The following EHBP1L1 variants were observed in gnomAD, a reference collection of about 807,000 sequenced individuals.
EHBP1L1 encodes EH domain binding protein 1 like 1.
In EHBP1L1, 122 loss-of-function variants were observed where a neutral mutation model predicts 151.1. The observed-to-expected ratio is 0.81, with a 90% CI of 0.70 to 0.94. EHBP1L1 has a LOEUF of 0.94. EHBP1L1 is among the 40% of genes least tolerant of loss of function. The pLI, the probability that EHBP1L1 is intolerant of heterozygous loss-of-function variation, is 0.00. For synonymous variants in EHBP1L1, 878 were observed against 810.1 expected (o/e 1.08, Z -1.42); for missense variants, 1,941 against 1,959.8 (o/e 0.99, Z 0.18).
intron 1 of EHBP1L1, among the ~76,000 whole-genome samples, chr11:65,576,850 C>T (rs961115214): frequency 1.8e-4 from 28 of 152,048 alleles, no homozygotes; most frequent in Non-Finnish European, 3.8e-4. Context: ...CCTCCCCTGC[C>T]ATCTTGTTGA....
At position 65,580,264 on chromosome 11, in the gene EHBP1L1, G is replaced by GTGCC; in HGVS notation, c.491+7_491+10dup. On this transcript the variant is annotated splice_donor_region_variant and intron_variant, in intron 5 of 18. Transcript: ENST00000309295. ...GCTGCGGGAGGGCCGTGCCACGTGA[G>GTGCC]TGCCTACCTGCCCTCCTTGATCCTG... is the stretch of plus-strand genomic sequence containing the variant. 1 of 1,613,374 alleles carries GTGCC rather than the reference G, an allele frequency of 6.2e-7. No individual in the cohort carries two copies. The highest frequency in any genetic ancestry group is 8.5e-7 in the Non-Finnish European group (1 of 1,179,588).
Position 65,583,356 on chromosome 11 carries a change from G to A in EHBP1L1, c.2684G>A (p.Ser895Asn), listed in dbSNP as rs375559794. 3.8e-5 allele frequency: 61 copies of A among 1,613,420 alleles called. No individual in the cohort carries two copies. Among genetic ancestry groups the A allele is most frequent in the Non-Finnish European group, 5.2e-5 (61 of 1,179,726 alleles). The change falls in exon 9 of 19, where the codon AGT becomes AAT. Residue 895 changes from serine (S) to asparagine (N), a missense_variant. Physicochemically the swap from Ser to Asn is conservative, Grantham distance 46. Coordinates refer to ENST00000309295, the MANE Select transcript of EHBP1L1 (RefSeq NM_001099409.3). ...CAGGAAGCAGAGACTAGAGTTGGGAGTGCTCTCAAATATGAGGCTTTAAGG... is the reference window on the plus strand; with the variant it reads ...CAGGAAGCAGAGACTAGAGTTGGGAATGCTCTCAAATATGAGGCTTTAAGG... Reference protein sequence around the residue: ...GVQEAETRVGSALKYEALRAP... With the variant: ...GVQEAETRVGNALKYEALRAP...
At position 65,582,162 on chromosome 11, in the gene EHBP1L1, G is replaced by A. The variant is rs1857647652; in HGVS notation, c.1490G>A (p.Gly497Glu). The change falls in exon 9 of 19, where the codon GGG (glycine) becomes GAG (glutamate). Residue 497 changes from glycine (G) to glutamate (E), a missense_variant. Physicochemically the swap from Gly to Glu is moderately conservative, Grantham distance 98. Coordinates refer to ENST00000309295, the MANE Select transcript of EHBP1L1 (RefSeq NM_001099409.3). The part of the protein sequence containing the change: ...GHSGQLGDLE[G>E]ARAAAGQERE... ...TCTGGGCAACTTGGTGACCTCGAGG[G>A]GGCCAGGGCTGCTGCAGGCCAGGAG... is the stretch of plus-strand genomic sequence containing the variant. 1 of 1,578,160 alleles carries A rather than the reference G, an allele frequency of 6.3e-7. No homozygotes were observed. The highest frequency in any genetic ancestry group is 1.4e-5 in the African/African-American group (1 of 73,476).
At chr11:65,579,025 G>T (rs796919133) in intron 1 of EHBP1L1, 53 bp from the exon 2 acceptor site, 2 of 1,524,824 alleles carry the variant, frequency 1.3e-6, no homozygotes, top group East Asian at 2.4e-5. Flanking sequence ...GGAGGCAGGT[G>T]AGCCTGACCA....
chr11:65,589,944 TC>T lies in EHBP1L1; in HGVS notation c.4017del (p.Ser1340ArgfsTer38), dbSNP rs758282432. ...ADSQQPPGGSSPSEEPPPSPG... is the reference protein window; with the variant it reads ...ADSQQPPGGSXPSEEPPPSPG... ...ATCATCTCTGTCTGCAGGTGGGAGT[TC>T]CCCCTCGGAGGAACCACCCCCAAGC... On this transcript the variant is annotated frameshift_variant, in exon 14 of 19. Transcript: ENST00000309295. LOFTEE classifies it high-confidence loss of function. 8.3e-6 allele frequency: 13 copies of T among 1,565,240 alleles called. No homozygotes were observed. The highest frequency in any genetic ancestry group is 1.1e-5 in the Non-Finnish European group (13 of 1,151,990).
chr11:65,587,966 T>G (rs1239093036), intron 12 of EHBP1L1, among the ~76,000 whole-genome samples: 1 of 152,246 alleles, frequency 6.6e-6, no homozygotes, highest in Non-Finnish European at 1.5e-5. Flanking sequence ...AGATATTAGC[T>G]GCTGTTATTA....
Position 65,592,246 on chromosome 11 carries a change from C to A in EHBP1L1, c.4516C>A (p.Arg1506=). The part of the protein sequence containing the change: ...DERLERGLEQ[R]RRKLSRQLSR... The stretch of plus-strand genomic sequence containing the variant: ...GCGCCTGGAGCGCGGCCTGGAACAG[C>A]GGCGCCGCAAGCTGAGCCGGCAGTT... The change falls in exon 19 of 19, where the codon CGG becomes AGG. Residue 1506 remains arginine, a synonymous_variant. Transcript: ENST00000309295. 1 of 1,535,082 alleles carries A rather than the reference C, an allele frequency of 6.5e-7. No individual in the cohort carries two copies. The highest frequency in any genetic ancestry group is 2.4e-5 in the East Asian group (1 of 40,848).
At position 65,581,684 on chromosome 11, in the gene EHBP1L1, G is replaced by T; in HGVS notation, c.1012G>T (p.Ala338Ser). Reference protein sequence around the residue: ...SGAPPAGLGSARETQAQACPQ... With the variant: ...SGAPPAGLGSSRETQAQACPQ... ...GGCTCCTCCAGCAGGATTGGGCTCT[G>T]CTAGGGAGACCCAGGCCCAGGCATG... is the stretch of plus-strand genomic sequence containing the variant. The change falls in exon 9 of 19, where the codon GCT (alanine) becomes TCT (serine). Residue 338 changes from alanine (A) to serine (S), a missense_variant. Coordinates refer to ENST00000309295, the MANE Select transcript of EHBP1L1 (RefSeq NM_001099409.3). 4 of 1,573,842 alleles carry T rather than the reference G, an allele frequency of 2.5e-6. No individual in the cohort carries two copies. Among genetic ancestry groups the T allele is most frequent in the Non-Finnish European group, 3.4e-6 (4 of 1,160,106 alleles).
rs1282083783 is a variant in EHBP1L1, at chr11:65,582,102, G to C, written c.1430G>C (p.Gly477Ala). Reference sequence around the variant, plus strand: ...AGGACCAGGGATGAGGCTCCCTCAGGCCTGAGCCTGCCCCCAGCGGAGCCT... The same window carrying C: ...AGGACCAGGGATGAGGCTCCCTCAGCCCTGAGCCTGCCCCCAGCGGAGCCT... ...GVRTRDEAPS[G>A]LSLPPAEPAG... is the part of the protein sequence containing the mutation. The change falls in exon 9 of 19, where the codon GGC becomes GCC. Residue 477 changes from glycine (G) to alanine (A), a missense_variant. Transcript: ENST00000309295. 3.1e-6 allele frequency: 5 copies of C among 1,604,958 alleles called. No individual in the cohort carries two copies. Among genetic ancestry groups the C allele is most frequent in the Non-Finnish European group, 4.3e-6 (5 of 1,175,600 alleles).
chr11:65,587,429 C>T (rs1000694424), intron 12 of EHBP1L1, among the ~76,000 whole-genome samples: 17 of 152,090 alleles, frequency 1.1e-4, no homozygotes, highest in African/African-American at 4.1e-4. Flanking sequence ...GGAATTCCCA[C>T]GAGGCCTGGC....
At chr11:65,578,737 A>G (rs1032456890) in intron 1 of EHBP1L1, among the ~76,000 whole-genome samples, 1 of 152,204 alleles carries the variant, frequency 6.6e-6, no homozygotes, top group African/African-American at 2.4e-5. Flanking sequence ...TCACATGTGC[A>G]TCTGTGTCTG....
rs1857583903 is a variant in EHBP1L1 at position 65,581,123 on chromosome 11, G to A, written c.700G>A (p.Ala234Thr). The A allele has an allele frequency of 2.5e-6, 4 of 1,613,020 alleles. No homozygotes were observed. Among genetic ancestry groups the A allele is most frequent in the East Asian group, 2.2e-5 (1 of 44,876 alleles). Residue 234 changes from alanine to threonine, a missense_variant, in exon 7 of 19, where the codon GCA (alanine) becomes ACA (threonine). Transcript: ENST00000309295. Reference sequence around the variant, plus strand: ...GGAAGGCCAAGGACGACCCCAGCAGGCAGGTGAGACCCAGGCTGGGGTTGG... The same window carrying A: ...GGAAGGCCAAGGACGACCCCAGCAGACAGGTGAGACCCAGGCTGGGGTTGG... ...EEEGQGRPQQ[A>T]VASPSNAEDT...
intron 3 of EHBP1L1, 136 bp downstream of exon 3, chr11:65,579,572 T>G: frequency 1.4e-6 from 1 of 707,346 alleles, no homozygotes. Flanking sequence ...TAGGGGGGCC[T>G]GCTCAGCATC....
chr11:65,590,416 C>T, intron 15 of EHBP1L1, 77 bp from the exon 16 acceptor site: 2 of 1,551,428 alleles, frequency 1.3e-6, no homozygotes, highest in Admixed American at 1.8e-5. Context: ...GGAGCAAACC[C>T]CCTCCCCCAA....
intron 2 of EHBP1L1, 61 bp downstream of exon 2, chr11:65,579,196 G>A: frequency 6.5e-7 from 1 of 1,542,268 alleles, no homozygotes; most frequent in Non-Finnish European, 8.8e-7. Context: ...GAGGCTGATG[G>A]GGGCTGATGG....
chr11:65,591,735 T>C, intron 16 of EHBP1L1, 65 bp from the exon 17 acceptor site: 1 of 1,339,772 alleles, frequency 7.5e-7, no homozygotes, highest in Non-Finnish European at 1.0e-6. Context: ...CCCTGGGCAC[T>C]CTCTCCCTAC....
intron 16 of EHBP1L1, among the ~76,000 whole-genome samples, chr11:65,590,876 C>A (rs1239171710): frequency 6.6e-6 from 1 of 151,604 alleles, no homozygotes; most frequent in Non-Finnish European, 1.5e-5. Context: ...ACTAAAAATA[C>A]AAAAATTAGC....
At chr11:65,587,913 T>C (rs983052330) in intron 12 of EHBP1L1, among the ~76,000 whole-genome samples, 1 of 152,220 alleles carries the variant, frequency 6.6e-6, no homozygotes, top group Non-Finnish European at 1.5e-5. Context: ...AGTGAGTCAG[T>C]GCACATAAAG....
At position 65,585,253 on chromosome 11, in the gene EHBP1L1, C is replaced by T; in HGVS notation, c.3595C>T (p.Arg1199Cys). Residue 1199 changes from arginine to cysteine, a missense_variant, in exon 12 of 19, where the codon CGC becomes TGC. Coordinates refer to ENST00000309295, the MANE Select transcript of EHBP1L1 (RefSeq NM_001099409.3). This position sits in a 1 kb window ranked among gnomAD's most constrained non-coding sequence, Gnocchi z 4.0. ...CCAGGAGCCCAAGGAGGCCGCAGAC[C>T]GCGCAGACGGGGCGGCCCCGGGGGT... ...GPQEPKEAADRADGAAPGVAS... is the reference protein window; with the variant it reads ...GPQEPKEAADCADGAAPGVAS... 1.5e-5 allele frequency: 17 copies of T among 1,097,156 alleles called. No individual in the cohort carries two copies. Among genetic ancestry groups the T allele is most frequent in the Non-Finnish European group, 1.9e-5 (17 of 901,670 alleles). The allele number at this position is 1,097,156 out of a possible 1,614,324, so 68.0% of individuals were successfully genotyped here.
Sources: gnomAD v4.1 joint callset for allele counts (sites outside exome capture counted in the v4.1 genomes callset) on GRCh38, gnomAD v4.1.1 for gene constraint, Gnocchi (gnomAD v3.1) non-coding constraint, MANE v1.5 for transcripts, NCBI Gene and HGNC (gene_info 2026-07-23, HGNC 2026-07-21) for gene names.